The following WDR37 variants were observed in gnomAD, a reference collection of about 807,000 sequenced individuals.
The protein encoded by WDR37 is WD repeat domain 37, also known as WD repeat-containing protein 37.
In WDR37, 19 loss-of-function variants were observed where a neutral mutation model predicts 62.9. The observed-to-expected ratio is 0.30, with a 90% CI of 0.21 to 0.44. WDR37 has a LOEUF of 0.44. Ranked by LOEUF, WDR37 falls within the 20% of genes least tolerant of loss-of-function variation. The pLI is 1.00. For missense variants in WDR37, 474 were observed against 657.6 expected (o/e 0.72, Z 3.05); for synonymous variants, 250 against 260.9 (o/e 0.96, Z 0.40).
chr10:1,109,744 T>G (rs1398595738), intron 11 of WDR37, among the ~76,000 whole-genome samples: 1 of 152,230 alleles, frequency 6.6e-6, no homozygotes, highest in Non-Finnish European at 1.5e-5. Context: ...GGTTAATTTG[T>G]GGTACATTTT....
chr10:1,117,036 G>C (rs1835422381), intron 11 of WDR37, among the ~76,000 whole-genome samples: 1 of 152,082 alleles, frequency 6.6e-6, no homozygotes, highest in Admixed American at 6.6e-5. Flanking sequence ...GTCCCTTGTT[G>C]ATGCATGTTT....
intron 7 of WDR37, among the ~76,000 whole-genome samples, chr10:1,090,505 G>A (rs1240418913): frequency 6.6e-6 from 1 of 152,178 alleles, no homozygotes; most frequent in African/African-American, 2.4e-5. Flanking sequence ...AGGGAGTGGT[G>A]GGGCTGGTGG....
chr10:1,066,318 G>C (rs190725963), intron 1 of WDR37, among the ~76,000 whole-genome samples: 1 of 152,220 alleles, frequency 6.6e-6, no homozygotes, highest in East Asian at 1.9e-4. Context: ...GGGTTTCACC[G>C]TGTTAGCTAG....
At position 1,124,327 on chromosome 10, in the gene WDR37, A is replaced by G. The variant is rs374045710; in HGVS notation, c.1213A>G (p.Ile405Val). Residue 405 changes from isoleucine (I) to valine (V), a missense_variant, in exon 12 of 14, where the codon ATT (isoleucine) becomes GTT (valine). Physicochemically the swap from Ile to Val is conservative, Grantham distance 29. Transcript: ENST00000263150. ...LKNMRSPIAT[I>V]RTDSAINRIN... ...AAATATGAGATCCCCCATTGCAACT[A>G]TTCGCACGGACTCTGCCATTAACAG... 1.2e-6 allele frequency: 2 copies of G among 1,614,208 alleles called. No individual in the cohort carries two copies. The highest frequency in any genetic ancestry group is 1.7e-6 in the Non-Finnish European group (2 of 1,180,042).
chr10:1,079,058 A>G (rs980060045), intron 3 of WDR37, among the ~76,000 whole-genome samples: 2 of 151,402 alleles, frequency 1.3e-5, no homozygotes, highest in Non-Finnish European at 2.9e-5. Context: ...CACCTTTACA[A>G]TTCATAGAGG....
At chr10:1,071,418 G>A (rs1833722811) in intron 1 of WDR37, among the ~76,000 whole-genome samples, 1 of 152,210 alleles carries the variant, frequency 6.6e-6, no homozygotes, top group African/African-American at 2.4e-5. Context: ...ACCTAAGATT[G>A]TAGTAAGTAA....
chr10:1,091,412 G>T (rs890407440), intron 7 of WDR37, among the ~76,000 whole-genome samples: 11 of 152,204 alleles, frequency 7.2e-5, no homozygotes, highest in Non-Finnish European at 1.5e-4. Flanking sequence ...TTTTCCCACA[G>T]TTATCTGTAT....
intron 1 of WDR37, among the ~76,000 whole-genome samples, chr10:1,068,341 C>A (rs1402396865): frequency 6.7e-6 from 1 of 148,188 alleles, no homozygotes; most frequent in African/African-American, 2.5e-5. Context: ...ATTAGCCGGG[C>A]GTGGTGGCGG....
chr10:1,080,213 G>A (rs1271890487), intron 4 of WDR37, 107 bp downstream of exon 4: 39 of 1,345,222 alleles, frequency 2.9e-5, no homozygotes, highest in East Asian at 4.8e-5. Context: ...AGCAGACCTC[G>A]AACTATCTAA....
intron 1 of WDR37, among the ~76,000 whole-genome samples, chr10:1,064,820 G>A: frequency 6.6e-6 from 1 of 151,924 alleles, no homozygotes; most frequent in East Asian, 1.9e-4. Context: ...TTGAACTCCT[G>A]ACCTCAGGTG....
At chr10:1,088,031 CG>C (rs1834258168) in intron 7 of WDR37, among the ~76,000 whole-genome samples, 1 of 152,292 alleles carries the variant, frequency 6.6e-6, no homozygotes, top group Non-Finnish European at 1.5e-5. Flanking sequence ...GTTGTGGAGA[CG>C]GTGTCTTAAA....
chr10:1,112,191 CCT>C lies in WDR37; in HGVS notation c.1103+6932_1103+6933del, dbSNP rs201563408. ...TCCAACAGCACGTGCTCACTTCCTG[CCT>C]CTCTCTCACATTTTGGTCATTCTCA... On this transcript the variant is annotated intron_variant, in intron 11 of 13. Coordinates refer to ENST00000263150, the MANE Select transcript of WDR37 (RefSeq NM_014023.4). Among the ~76,000 whole-genome samples, 1,205 of 152,288 alleles carry C rather than the reference CCT, an allele frequency of 7.9e-3. 16 individuals are homozygous for C. Among genetic ancestry groups the C allele is most frequent in the Non-Finnish European group, 8.8e-3 (598 of 68,024 alleles).
At chr10:1,096,307 C>T (rs1554824380) in intron 9 of WDR37, 61 bp downstream of exon 9, 1 of 1,546,876 alleles carries the variant, frequency 6.5e-7, no homozygotes, top group Non-Finnish European at 8.9e-7. Context: ...TCTGAGAATC[C>T]ATTTATGATA....
At chr10:1,066,948 A>G (rs531543851) in intron 1 of WDR37, among the ~76,000 whole-genome samples, 2 of 152,308 alleles carry the variant, frequency 1.3e-5, no homozygotes, top group South Asian at 2.1e-4. Flanking sequence ...GAGACTTACT[A>G]TCACGAGAAC....
In WDR37 at chr10:1,129,595, T is replaced by C. The variant is rs1171282183; in HGVS notation, c.*251T>C. ...CAGTAGAGGCAAAGCTCACCTCCCATGTAGCACATGAAATGCTTGTGAGTT... is the reference window on the plus strand; with the variant it reads ...CAGTAGAGGCAAAGCTCACCTCCCACGTAGCACATGAAATGCTTGTGAGTT... On this transcript the variant is annotated 3_prime_UTR_variant, in exon 14 of 14. Transcript: ENST00000263150. 2.4e-6 allele frequency: 1 copy of C among 413,118 alleles called. No homozygotes were observed. The highest frequency in any genetic ancestry group is 4.4e-6 in the Non-Finnish European group (1 of 229,148). The allele number at this position is 413,118 out of a possible 1,614,324, so 25.6% of individuals were successfully genotyped here. A position where few individuals can be genotyped will look rare whatever the true frequency, so the allele number is the denominator to read the frequency against.
intron 9 of WDR37, among the ~76,000 whole-genome samples, chr10:1,096,920 A>G (rs59245488): frequency 6.6e-6 from 1 of 152,124 alleles, no homozygotes; most frequent in South Asian, 2.1e-4. Flanking sequence ...GAATGCAGGT[A>G]TCATAGACAG....
chr10:1,113,333 C>A (rs1159697231), intron 11 of WDR37, among the ~76,000 whole-genome samples: 1 of 152,124 alleles, frequency 6.6e-6, no homozygotes, highest in Non-Finnish European at 1.5e-5. Context: ...TGCTTATTGA[C>A]AGTGCACCTA....
At chr10:1,110,758 G>A (rs553948566) in intron 11 of WDR37, among the ~76,000 whole-genome samples, 37 of 152,314 alleles carry the variant, frequency 2.4e-4, no homozygotes, top group South Asian at 8.3e-4. Context: ...CCTCTGCGCC[G>A]GGGGCTTCTC....
chr10:1,089,417 C>T (rs964302688), intron 7 of WDR37, among the ~76,000 whole-genome samples: 4 of 152,148 alleles, frequency 2.6e-5, no homozygotes, highest in African/African-American at 9.7e-5. Flanking sequence ...ATGATGACTT[C>T]AAGCCTTGTG....
Sources: allele counts gnomAD v4.1 joint callset (sites outside exome capture counted in the v4.1 genomes callset), GRCh38; gene constraint gnomAD v4.1.1; transcripts MANE v1.5; gene names NCBI Gene and HGNC (gene_info 2026-07-23, HGNC 2026-07-21).